CABIN1: variants seen among roughly 807,000 people sequenced by gnomAD.
The protein encoded by CABIN1 is calcineurin-binding protein cabin-1.
Under a neutral mutation model 227.7 loss-of-function variants are expected in CABIN1, and 133 were observed. The ratio of observed to expected loss-of-function variants is 0.58; its 90% CI spans 0.51 to 0.67. The LOEUF is 0.67. Among genes scored for constraint, CABIN1 ranks in the 30% least tolerant of loss-of-function variants. CABIN1 has a pLI of 0.00. For synonymous variants in CABIN1, 1,086 were observed against 1,155.1 expected (o/e 0.94, Z 1.21); for missense variants, 2,408 against 2,852.5 (o/e 0.84, Z 3.55).
Position 24,098,023 on chromosome 22 carries a change from C to T in CABIN1, c.3948C>T (p.Ala1316=), listed in dbSNP as rs2041994911. The change falls in exon 26 of 37, where the codon GCC becomes GCT. Residue 1316 remains alanine (A), a synonymous_variant. Transcript: ENST00000263119. ...NTPKASEKEK[A]CLVDEDSHSS... ...ACCTCTGTTCCCACAGGGAGAAGGC[C>T]TGCCTGGTGGACGAGGACTCCCACT... 1 of 1,614,210 alleles carries T rather than the reference C, an allele frequency of 6.2e-7. No individual in the cohort carries two copies.
rs1446192974 is a variant in CABIN1, at chr22:24,061,967, C to G, written c.1638C>G (p.Leu546=). The change falls in exon 13 of 37, where the codon CTC becomes CTG. Residue 546 remains leucine (L), a synonymous_variant. Transcript: ENST00000263119. The part of the protein sequence containing the change: ...KHIKDMMLMS[L]SCMELQLDQW... The stretch of plus-strand genomic sequence containing the variant: ...TGCAGGACATGATGCTGATGTCTCT[C>G]TCCTGCATGGAACTCCAGCTGGACC... 1.2e-6 allele frequency: 2 copies of G among 1,613,944 alleles called. No individual in the cohort carries two copies. Among genetic ancestry groups the G allele is most frequent in the South Asian group, 1.1e-5 (1 of 91,080 alleles).
chr22:24,038,587 C>T, intron 4 of CABIN1, 126 bp downstream of exon 4: 2 of 707,472 alleles, frequency 2.8e-6, no homozygotes, highest in Non-Finnish European at 5.1e-6. Flanking sequence ...CATTATTTCA[C>T]CTCTCTGCCC....
At chr22:24,094,559 T>C (rs2041758887) in intron 24 of CABIN1, among the ~76,000 whole-genome samples, 1 of 152,110 alleles carries the variant, frequency 6.6e-6, no homozygotes, top group East Asian at 1.9e-4. Context: ...GGCTCACGCC[T>C]GTAATTCCAG....
At chr22:24,090,657 G>A (rs562193556) in intron 23 of CABIN1, among the ~76,000 whole-genome samples, 1 of 152,062 alleles carries the variant, frequency 6.6e-6, no homozygotes, top group Admixed American at 6.6e-5. Flanking sequence ...CCAAGGGCCG[G>A]CTCAACCTGG....
At chr22:24,056,080 C>G (rs1488265180) in intron 9 of CABIN1, 112 bp from the exon 10 acceptor site, 1 of 932,542 alleles carries the variant, frequency 1.1e-6, no homozygotes, top group East Asian at 2.5e-5. Context: ...TTTTGAATGT[C>G]AAAGAGTTTA....
intron 1 of CABIN1, among the ~76,000 whole-genome samples, chr22:24,013,933 T>C (rs1282357572): frequency 6.6e-6 from 1 of 152,222 alleles, no homozygotes; most frequent in Non-Finnish European, 1.5e-5. Flanking sequence ...CACATTATCT[T>C]TGTGTCTTTC....
chr22:24,168,013 C>T (rs186825039), intron 32 of CABIN1, among the ~76,000 whole-genome samples: 13 of 152,346 alleles, frequency 8.5e-5, no homozygotes, highest in African/African-American at 3.1e-4. Context: ...TCCCCTCTTC[C>T]CCTAGCAACT....
intron 32 of CABIN1, among the ~76,000 whole-genome samples, chr22:24,167,783 C>A (rs1214291887): frequency 6.6e-6 from 1 of 152,150 alleles, no homozygotes; most frequent in Non-Finnish European, 1.5e-5. Context: ...GATGGGATGA[C>A]CATCCCTGAC....
At chr22:24,096,519 A>G (rs2041904720) in intron 25 of CABIN1, among the ~76,000 whole-genome samples, 1 of 152,048 alleles carries the variant, frequency 6.6e-6, no homozygotes, top group African/African-American at 2.4e-5. Context: ...TGGGCTTCTC[A>G]TGTGGTGCCA....
chr22:24,131,402 A>G (rs2044066587), intron 28 of CABIN1, among the ~76,000 whole-genome samples: 1 of 152,194 alleles, frequency 6.6e-6, no homozygotes, highest in African/African-American at 2.4e-5. Context: ...CTGCCACAGC[A>G]TTGAGGCCAG....
chr22:24,049,340 C>T (rs2038144442), intron 7 of CABIN1, 120 bp downstream of exon 7: 1 of 1,217,088 alleles, frequency 8.2e-7, no homozygotes, highest in South Asian at 1.2e-5. Context: ...TCTGGGGCTT[C>T]ATGCCCTGCC....
At chr22:24,123,675 C>G (rs1202745542) in intron 28 of CABIN1, among the ~76,000 whole-genome samples, 1 of 152,236 alleles carries the variant, frequency 6.6e-6, no homozygotes, top group African/African-American at 2.4e-5. Flanking sequence ...AGCTTGTTCA[C>G]AGATCTGGGG....
At chr22:24,096,126 T>C in intron 25 of CABIN1, 44 bp downstream of exon 25, 2 of 1,608,156 alleles carry the variant, frequency 1.2e-6, no homozygotes, top group South Asian at 1.1e-5. Flanking sequence ...TTACCCCATC[T>C]GCATCCCAGA....
At chr22:24,096,613 C>T (rs972586098) in intron 25 of CABIN1, among the ~76,000 whole-genome samples, 11 of 152,322 alleles carry the variant, frequency 7.2e-5, no homozygotes, top group Middle Eastern at 3.4e-3. Flanking sequence ...TGTAAGTCAT[C>T]TCCACAGCCC....
At chr22:24,142,432 C>T (rs1306867960) in intron 29 of CABIN1, among the ~76,000 whole-genome samples, 3 of 152,202 alleles carry the variant, frequency 2.0e-5, no homozygotes, top group African/African-American at 4.8e-5. Context: ...TATCCTGACT[C>T]AGTCACCCAG....
At chr22:24,053,078 CTTT>C (rs71184943) in intron 8 of CABIN1, among the ~76,000 whole-genome samples, 5 of 131,252 alleles carry the variant, frequency 3.8e-5, no homozygotes, top group Admixed American at 7.5e-5. Flanking sequence ...TTTCTTTTTT[CTTT>C]TTTTTTTTTT....
intron 26 of CABIN1, among the ~76,000 whole-genome samples, chr22:24,098,518 A>G (rs2042028148): frequency 6.6e-6 from 1 of 152,114 alleles, no homozygotes; most frequent in Non-Finnish European, 1.5e-5. Context: ...AGGAAGTTAG[A>G]AGAGTGTGGC....
intron 19 of CABIN1, 131 bp from the exon 20 acceptor site, chr22:24,083,097 A>C (rs1160023141): frequency 5.7e-6 from 5 of 875,680 alleles, no homozygotes; most frequent in Non-Finnish European, 9.3e-6. Context: ...CAAGTCATGC[A>C]GGAGCCCAAC....
intron 29 of CABIN1, among the ~76,000 whole-genome samples, chr22:24,155,517 C>T (rs1488492480): frequency 6.6e-6 from 1 of 152,198 alleles, no homozygotes; most frequent in African/African-American, 2.4e-5. Context: ...GTAAAACCCA[C>T]TTACCATGGC....
Sources: allele counts gnomAD v4.1 joint callset (sites outside exome capture counted in the v4.1 genomes callset), GRCh38; gene constraint gnomAD v4.1.1; transcripts MANE v1.5; gene names NCBI Gene and HGNC (gene_info 2026-07-23, HGNC 2026-07-21).